FOXP4: variants seen among roughly 807,000 people sequenced by gnomAD.
FOXP4 encodes forkhead box protein P4.
Under a neutral mutation model 82.6 loss-of-function variants are expected in FOXP4, and 25 were observed. The ratio of observed to expected loss-of-function variants is 0.30; its 90% CI spans 0.22 to 0.42. The LOEUF (loss-of-function observed/expected upper bound fraction) is 0.42. FOXP4 is among the 10% of genes least tolerant of loss of function. The pLI is 1.00. For missense variants in FOXP4, 785 were observed against 900.9 expected, an observed-to-expected ratio of 0.87 and a Z score of 1.65; for synonymous variants, 415 against 388.2, an observed-to-expected ratio of 1.07 and a Z score of -0.81.
At chr6:41,563,460 ATCTG>A (rs949568874) in intron 1 of FOXP4, among the ~76,000 whole-genome samples, 4 of 152,164 alleles carry the variant, frequency 2.6e-5, no homozygotes, top group Admixed American at 2.0e-4. Flanking sequence ...CAAGGCCCTC[ATCTG>A]TCAGTCGGGT....
chr6:41,599,824 G>GCAGTCCTCTCACCCTCCCTC lies in FOXP4; in HGVS notation c.*889_*908dup. ...CCACATCCAGCCTGCAGGCCTCTCT[G>GCAGTCCTCTCACCCTCCCTC]CAGTCCTCTCACCCTCCCTCAGCTC... On this transcript the variant is annotated 3_prime_UTR_variant, in exon 17 of 17. Transcript: ENST00000307972. The GCAGTCCTCTCACCCTCCCTC allele has an allele frequency of 6.6e-6, 1 of 152,470 alleles. No homozygotes were observed. Among genetic ancestry groups the GCAGTCCTCTCACCCTCCCTC allele is most frequent in the East Asian group, 1.9e-4 (1 of 5,156 alleles). 9.4% of individuals were successfully genotyped at this position (152,470 alleles called of 1,614,324 possible). A position where few individuals can be genotyped will look rare whatever the true frequency, so the allele number is the denominator to read the frequency against.
chr6:41,554,183 G>A (rs1764154729), intron 1 of FOXP4, among the ~76,000 whole-genome samples: 1 of 152,226 alleles, frequency 6.6e-6, no homozygotes, highest in Admixed American at 6.5e-5. Flanking sequence ...GAGGTTACCT[G>A]ACTTGCCCCG....
At chr6:41,562,018 T>G (rs1333428679) in intron 1 of FOXP4, among the ~76,000 whole-genome samples, 1 of 152,204 alleles carries the variant, frequency 6.6e-6, no homozygotes, top group Non-Finnish European at 1.5e-5. Flanking sequence ...TTCCCCATCC[T>G]GTCTTTAGCT....
chr6:41,570,506 C>T (rs532800862), intron 2 of FOXP4: 1 of 398,412 alleles, frequency 2.5e-6, no homozygotes, highest in East Asian at 7.4e-5. Context: ...AGCCAAAGAC[C>T]GCCCTGTTTC....
At chr6:41,583,701 G>A (rs1351276326) in intron 3 of FOXP4, among the ~76,000 whole-genome samples, 1 of 152,168 alleles carries the variant, frequency 6.6e-6, no homozygotes, top group Non-Finnish European at 1.5e-5. Flanking sequence ...CCCCATCAGA[G>A]CACCTGTCCT....
Position 41,599,053 on chromosome 6 carries a change from G to C in FOXP4, c.*117G>C. Reference sequence around the variant, plus strand: ...TCAAGGCAAGTCCAGGACTCAGACCGGGGAGGCCCGGGCCAGCAGCTCCCA... The same window carrying C: ...TCAAGGCAAGTCCAGGACTCAGACCCGGGAGGCCCGGGCCAGCAGCTCCCA... On this transcript the variant is annotated 3_prime_UTR_variant, in exon 17 of 17. Transcript: ENST00000307972. 2.9e-6 allele frequency: 4 copies of C among 1,359,714 alleles called. No homozygotes were observed. The highest frequency in any genetic ancestry group is 3.9e-6 in the Non-Finnish European group (4 of 1,020,220). 84.2% of individuals were successfully genotyped at this position (1,359,714 alleles called of 1,614,324 possible). A position where few individuals can be genotyped will look rare whatever the true frequency, so the allele number is the denominator to read the frequency against.
intron 1 of FOXP4, among the ~76,000 whole-genome samples, chr6:41,556,402 C>T (rs956968244): frequency 1.3e-5 from 2 of 151,130 alleles, no homozygotes; most frequent in Non-Finnish European, 2.9e-5. Context: ...TGGCTCACTG[C>T]AAGCTCCACC....
chr6:41,596,855 TG>T (rs1268886185), intron 14 of FOXP4, among the ~76,000 whole-genome samples: 2 of 149,606 alleles, frequency 1.3e-5, no homozygotes, highest in Non-Finnish European at 3.0e-5. Context: ...AGAAAACGGG[TG>T]GGGGGGCAGC....
At chr6:41,547,955 A>G (rs149428274) in intron 1 of FOXP4, among the ~76,000 whole-genome samples, 20 of 152,328 alleles carry the variant, frequency 1.3e-4, no homozygotes, top group Non-Finnish European at 2.8e-4. Context: ...GCCCCCATAA[A>G]GGACCGGGTA....
At chr6:41,594,682 C>G (rs1252670163) in intron 13 of FOXP4, among the ~76,000 whole-genome samples, 188 bp from the exon 14 acceptor site, 1 of 152,150 alleles carries the variant, frequency 6.6e-6, no homozygotes, top group East Asian at 1.9e-4. Flanking sequence ...ACCCCTGGCT[C>G]TATGGAAAGG....
At chr6:41,589,927 G>C in intron 10 of FOXP4, 36 bp from the exon 11 acceptor site, 1 of 1,603,728 alleles carries the variant, frequency 6.2e-7, no homozygotes, top group Non-Finnish European at 8.5e-7. Flanking sequence ...CCCCACCCTC[G>C]GGCACTGGTC....
chr6:41,592,939 G>A (rs1231146066), intron 13 of FOXP4, among the ~76,000 whole-genome samples: 1 of 152,082 alleles, frequency 6.6e-6, no homozygotes, highest in Non-Finnish European at 1.5e-5. Flanking sequence ...CTAGTCTAGG[G>A]TCCAGTAAGA....
At chr6:41,597,641 G>A in intron 15 of FOXP4, 140 bp from the exon 16 acceptor site, 2 of 1,072,258 alleles carry the variant, frequency 1.9e-6, no homozygotes, top group Non-Finnish European at 2.6e-6. Context: ...GGGCTTGGGG[G>A]TTGCCCAGAC....
chr6:41,579,880 C>T (rs941864145), intron 3 of FOXP4, among the ~76,000 whole-genome samples: 1 of 152,150 alleles, frequency 6.6e-6, no homozygotes, highest in Non-Finnish European at 1.5e-5. Context: ...AAGCGCTTTA[C>T]AGCTATCTCA....
At chr6:41,574,993 G>A (rs1765395526) in intron 2 of FOXP4, among the ~76,000 whole-genome samples, 1 of 152,020 alleles carries the variant, frequency 6.6e-6, no homozygotes, top group African/African-American at 2.4e-5. Context: ...TTTTGAGATG[G>A]AGTCTTGCTC....
chr6:41,590,494 G>C (rs2127398637), intron 12 of FOXP4, 147 bp downstream of exon 12: 2 of 808,998 alleles, frequency 2.5e-6, no homozygotes, highest in South Asian at 1.7e-5. Context: ...CCTCTCTGCT[G>C]TGCGGGGCTC....
At chr6:41,563,965 T>G (rs919703146) in intron 1 of FOXP4, among the ~76,000 whole-genome samples, 4 of 152,144 alleles carry the variant, frequency 2.6e-5, no homozygotes, top group African/African-American at 4.8e-5. Context: ...CAATCCCCCA[T>G]AGGTGCCAAG....
At chr6:41,572,121 G>A (rs1162235136) in intron 2 of FOXP4, among the ~76,000 whole-genome samples, 3 of 152,114 alleles carry the variant, frequency 2.0e-5, no homozygotes, top group African/African-American at 7.2e-5. Flanking sequence ...ACACCTCTGG[G>A]ACTTCTTCTC....
At chr6:41,589,925 T>G (rs774897318) in intron 10 of FOXP4, 38 bp from the exon 11 acceptor site, 1 of 1,430,752 alleles carries the variant, frequency 7.0e-7, no homozygotes, top group Non-Finnish European at 9.4e-7. Flanking sequence ...ACCCCCACCC[T>G]CGGGCACTGG....
Sources: allele counts gnomAD v4.1 joint callset (sites outside exome capture counted in the v4.1 genomes callset), GRCh38; gene constraint gnomAD v4.1.1; transcripts MANE v1.5; gene names NCBI Gene and HGNC (gene_info 2026-07-23, HGNC 2026-07-21).